Variants in DIP2B observed in about 807,000 individuals in gnomAD.
DIP2B encodes DIP2 acetate--CoA ligase B (putative), also known as disco-interacting protein 2 homolog B.
A neutral mutation model predicts 198.0 loss-of-function variants in DIP2B; 76 were observed. The ratio of observed to expected loss-of-function variants is 0.38; its 90% CI spans 0.32 to 0.46. The LOEUF (loss-of-function observed/expected upper bound fraction) is 0.46, where lower values mean the gene tolerates loss of function less well. Among genes scored for constraint, DIP2B ranks in the 20% least tolerant of loss-of-function variants. DIP2B has a pLI of 0.99. For missense variants in DIP2B, 1,559 were observed against 1,978.4 expected, an observed-to-expected ratio of 0.79 and a Z score of 4.02; for synonymous variants, 701 against 739.1, an observed-to-expected ratio of 0.95 and a Z score of 0.84.
At chr12:50,514,667 T>C (rs1304575202) in intron 1 of DIP2B, among the ~76,000 whole-genome samples, 1 of 152,172 alleles carries the variant, frequency 6.6e-6, no homozygotes, top group Non-Finnish European at 1.5e-5. Context: ...GCCTTCAGCC[T>C]ATACATTATG....
rs797017295 is a variant in DIP2B, at chr12:50,632,286, C to T, written c.172+6239C>T. Among the ~76,000 whole-genome samples, 6 of 151,780 alleles carry T rather than the reference C, an allele frequency of 4.0e-5. No homozygotes were observed. The East Asian group carries it at 1.2e-3, about 30-fold the overall frequency. ...CCTGAGGTTGGGAGTTCAAGACCAGCCTGACCAACATGGAGAAACCCCATC... is the reference window on the plus strand; with the variant it reads ...CCTGAGGTTGGGAGTTCAAGACCAGTCTGACCAACATGGAGAAACCCCATC... On this transcript the variant is annotated intron_variant, in intron 2 of 37. Coordinates refer to ENST00000301180, the MANE Select transcript of DIP2B (RefSeq NM_173602.3).
intron 27 of DIP2B, 59 bp downstream of exon 27, chr12:50,723,382 T>A: frequency 1.3e-6 from 2 of 1,592,038 alleles, no homozygotes; most frequent in Admixed American, 3.5e-5. Context: ...TTCAGACAAC[T>A]AAGGATCCTT....
At chr12:50,683,526 A>T (rs1939080680) in intron 10 of DIP2B, among the ~76,000 whole-genome samples, 1 of 152,204 alleles carries the variant, frequency 6.6e-6, no homozygotes, top group African/African-American at 2.4e-5. Flanking sequence ...TCACGCCTGT[A>T]ATCACAGCAC....
At chr12:50,558,745 T>A (rs1431429386) in intron 1 of DIP2B, among the ~76,000 whole-genome samples, 2 of 152,030 alleles carry the variant, frequency 1.3e-5, no homozygotes, top group Admixed American at 1.3e-4. Flanking sequence ...AACTGGCAAG[T>A]GGGTAGATGA....
Position 50,723,440 on chromosome 12 carries a change from G to A in DIP2B, c.3288+117G>A, listed in dbSNP as rs1456948965. The A allele has an allele frequency of 2.1e-6, 3 of 1,413,532 alleles. No individual in the cohort carries two copies. The Admixed American group carries it at 6.5e-5, about 31-fold the overall frequency. The allele number at this position is 1,413,532 out of a possible 1,614,324, so 87.6% of individuals were successfully genotyped here. A position where few individuals can be genotyped will look rare whatever the true frequency, so the allele number is the denominator to read the frequency against. ...GTCAGGAATTCAAATTTGTCTTCTGGAGACTACCTCCTTTTTGTTAATCCA... is the reference window on the plus strand; with the variant it reads ...GTCAGGAATTCAAATTTGTCTTCTGAAGACTACCTCCTTTTTGTTAATCCA... On this transcript the variant is annotated intron_variant, in intron 27 of 37. Coordinates refer to ENST00000301180, the MANE Select transcript of DIP2B (RefSeq NM_173602.3).
chr12:50,532,242 C>T (rs538734101), intron 1 of DIP2B, among the ~76,000 whole-genome samples: 2 of 152,184 alleles, frequency 1.3e-5, no homozygotes, highest in African/African-American at 2.4e-5. Flanking sequence ...TGGCCGGGTG[C>T]GGTGGCTCAT....
chr12:50,675,184 T>C (rs748850363), intron 6 of DIP2B, 145 bp from the exon 7 acceptor site: 173 of 868,790 alleles, frequency 2.0e-4, no homozygotes, highest in Non-Finnish European at 2.6e-4. Flanking sequence ...ATAAAACTTG[T>C]TGTGTACATA....
intron 4 of DIP2B, among the ~76,000 whole-genome samples, chr12:50,669,331 C>T (rs1297765904): frequency 6.6e-6 from 1 of 152,190 alleles, no homozygotes; most frequent in Non-Finnish European, 1.5e-5. Context: ...CAAAAACAGT[C>T]ACAGGCTTCA....
intron 12 of DIP2B, chr12:50,686,983 C>A (rs1262863206): frequency 4.3e-6 from 1 of 234,478 alleles, no homozygotes; most frequent in African/African-American, 2.3e-5. Context: ...AGAGAAATTT[C>A]TCTGCTGCTT....
At chr12:50,678,417 G>A (rs866429232) in intron 7 of DIP2B, among the ~76,000 whole-genome samples, 1 of 152,234 alleles carries the variant, frequency 6.6e-6, no homozygotes. Flanking sequence ...TGTATATTTT[G>A]TGCTATTCTA....
At chr12:50,693,323 G>A (rs1939252329) in intron 14 of DIP2B, among the ~76,000 whole-genome samples, 1 of 152,222 alleles carries the variant, frequency 6.6e-6, no homozygotes, top group Admixed American at 6.5e-5. Flanking sequence ...CTTCAAGGCA[G>A]TTTTTGTGGA....
chr12:50,600,886 GACCACCATCACCACCACCACCACC>G (rs1175178841), intron 1 of DIP2B, among the ~76,000 whole-genome samples: 2 of 134,984 alleles, frequency 1.5e-5, no homozygotes, highest in Admixed American at 7.4e-5. Flanking sequence ...TCACCACCAT[GACCACCATCACCACCACCACCACC>G]ACCACCACCA....
At chr12:50,614,139 ATC>A (rs1937652813) in intron 1 of DIP2B, among the ~76,000 whole-genome samples, 1 of 152,146 alleles carries the variant, frequency 6.6e-6, no homozygotes, top group Non-Finnish European at 1.5e-5. Flanking sequence ...GTCCTAAATA[ATC>A]TGTTTTCTTC....
At chr12:50,723,132 T>G (rs978853400) in intron 26 of DIP2B, 70 bp from the exon 27 acceptor site, 2 of 1,580,422 alleles carry the variant, frequency 1.3e-6, no homozygotes, top group Admixed American at 1.8e-5. Context: ...TTTTGGAAAA[T>G]TTGCCTTTTA....
intron 1 of DIP2B, among the ~76,000 whole-genome samples, chr12:50,515,203 A>G (rs1297820331): frequency 1.3e-5 from 2 of 150,652 alleles, no homozygotes; most frequent in African/African-American, 2.4e-5. Context: ...CCTGCTGGAT[A>G]TGGCATCTCT....
At chr12:50,543,433 C>G (rs1485390870) in intron 1 of DIP2B, among the ~76,000 whole-genome samples, 3 of 151,802 alleles carry the variant, frequency 2.0e-5, no homozygotes, top group African/African-American at 7.3e-5. Flanking sequence ...GGGGTTACAG[C>G]CACCCGCCAT....
At chr12:50,706,512 C>G in intron 20 of DIP2B, 26 bp from the exon 21 acceptor site, 1 of 1,609,448 alleles carries the variant, frequency 6.2e-7, no homozygotes, top group Non-Finnish European at 8.5e-7. Flanking sequence ...TCATGGAAAT[C>G]AAGGTAAATC....
intron 4 of DIP2B, among the ~76,000 whole-genome samples, chr12:50,662,786 T>TA (rs796759909): frequency 1.1e-4 from 17 of 149,586 alleles, no homozygotes; most frequent in Admixed American, 2.7e-4. Flanking sequence ...TTAAAGTCTT[T>TA]AAAAAAAAAA....
chr12:50,505,704 A>G (rs140043624), intron 1 of DIP2B, among the ~76,000 whole-genome samples: 43 of 152,028 alleles, frequency 2.8e-4, no homozygotes, highest in African/African-American at 9.4e-4. Context: ...CCGCAGCATC[A>G]TTTCTTCTCT....
Sources: gnomAD v4.1 joint callset for allele counts (sites outside exome capture counted in the v4.1 genomes callset) on GRCh38, gnomAD v4.1.1 for gene constraint, MANE v1.5 for transcripts, NCBI Gene and HGNC (gene_info 2026-07-23, HGNC 2026-07-21) for gene names.